ASCC3: variants seen among roughly 807,000 people sequenced by gnomAD.
ASCC3 encodes activating signal cointegrator 1 complex subunit 3, also known as ASC-1 complex subunit P200.
ASCC3 carries 158 observed loss-of-function variants against 256.3 expected under a neutral mutation model. The ratio of observed to expected loss-of-function variants is 0.62; its 90% CI spans 0.54 to 0.70. The LOEUF (loss-of-function observed/expected upper bound fraction) is 0.70. Among genes scored for constraint, ASCC3 ranks in the 30% least tolerant of loss-of-function variants. ASCC3 has a pLI of 0.00. For missense variants in ASCC3, 2,259 were observed against 2,626.0 expected, an observed-to-expected ratio of 0.86 and a Z score of 3.05; for synonymous variants, 948 against 883.4, an observed-to-expected ratio of 1.07 and a Z score of -1.30.
intron 1 of ASCC3, among the ~76,000 whole-genome samples, chr6:100,880,762 C>T (rs1463730373): frequency 6.6e-6 from 1 of 152,246 alleles, no homozygotes; most frequent in Non-Finnish European, 1.5e-5. Context: ...ATTACCCATG[C>T]ATGGGACAGA....
intron 11 of ASCC3, among the ~76,000 whole-genome samples, chr6:100,721,253 A>G (rs1562248982): frequency 6.6e-6 from 1 of 151,698 alleles, no homozygotes; most frequent in South Asian, 2.1e-4. Flanking sequence ...TTGGCCTCTA[A>G]TGTTCTATAG....
intron 36 of ASCC3, among the ~76,000 whole-genome samples, chr6:100,583,356 T>G (rs1049765656): frequency 6.6e-6 from 1 of 152,190 alleles, no homozygotes; most frequent in Non-Finnish European, 1.5e-5. Context: ...TCTTCTAGAT[T>G]TTTGAGTTTA....
At chr6:100,644,185 G>C (rs1263934482) in intron 22 of ASCC3, 56 bp from the exon 23 acceptor site, 1 of 1,144,008 alleles carries the variant, frequency 8.7e-7, no homozygotes, top group Non-Finnish European at 1.3e-6. Flanking sequence ...ATAAGGGATA[G>C]CATCCAATCT....
At chr6:100,581,051 T>C (rs1038882371) in intron 36 of ASCC3, among the ~76,000 whole-genome samples, 1 of 152,076 alleles carries the variant, frequency 6.6e-6, no homozygotes, top group Admixed American at 6.5e-5. Flanking sequence ...TACGTGTGCA[T>C]GTGTCTTTAT....
At chr6:100,732,290 T>C (rs1336051942) in intron 10 of ASCC3, among the ~76,000 whole-genome samples, 1 of 152,178 alleles carries the variant, frequency 6.6e-6, no homozygotes, top group Non-Finnish European at 1.5e-5. Context: ...AATAAAAATT[T>C]TATCTCTTCA....
rs752915614 is a variant in ASCC3 at position 100,608,117 on chromosome 6, T to G, written c.4786-1029A>C. On this transcript the variant is annotated intron_variant, in intron 30 of 41. Transcript: ENST00000369162. ...ATATACACATATATATGTATATATA[T>G]CTATATATACATATATATGTATATA... Among the ~76,000 whole-genome samples the G allele has an allele frequency of 5.0e-3, 238 of 47,850 alleles. 1 individual carries two copies. The highest frequency in any genetic ancestry group is 0.015 in the African/African-American group (202 of 13,800). The allele number at this position is 47,850 out of a possible 152,430, so 31.4% of individuals were successfully genotyped here.
At chr6:100,821,157 T>C (rs1366207964) in intron 4 of ASCC3, among the ~76,000 whole-genome samples, 1 of 152,176 alleles carries the variant, frequency 6.6e-6, no homozygotes, top group Non-Finnish European at 1.5e-5. Flanking sequence ...TAGCTGGGAC[T>C]ATAGGTGCAA....
At chr6:100,715,365 A>C in intron 13 of ASCC3, 97 bp downstream of exon 13, 1 of 1,098,326 alleles carries the variant, frequency 9.1e-7, no homozygotes, top group Non-Finnish European at 1.3e-6. Context: ...ATTAAAGAAA[A>C]ATTTTCTTCT....
intron 37 of ASCC3, among the ~76,000 whole-genome samples, chr6:100,527,492 T>G (rs1774636704): frequency 1.3e-5 from 2 of 152,188 alleles, no homozygotes. Flanking sequence ...GCTAAATGTA[T>G]TTAAACTCTG....
chr6:100,714,714 C>G (rs927044883), intron 13 of ASCC3, among the ~76,000 whole-genome samples: 5 of 152,062 alleles, frequency 3.3e-5, no homozygotes, highest in African/African-American at 1.2e-4. Context: ...AAACCAAGCA[C>G]AATCTCTAGA....
At chr6:100,742,150 C>G (rs1243050426) in intron 10 of ASCC3, among the ~76,000 whole-genome samples, 1 of 152,158 alleles carries the variant, frequency 6.6e-6, no homozygotes, top group Non-Finnish European at 1.5e-5. Flanking sequence ...GAGGTCTGCT[C>G]CAGATCCTAG....
chr6:100,687,034 T>TCACA (rs71028030), intron 13 of ASCC3, among the ~76,000 whole-genome samples: 197 of 130,668 alleles, frequency 1.5e-3, no homozygotes, highest in South Asian at 5.3e-3. Context: ...TCTCTCTCTC[T>TCACA]CACACACACA....
chr6:100,608,082 A>ATG (rs1773016004), intron 30 of ASCC3, among the ~76,000 whole-genome samples: 1 of 71,444 alleles, frequency 1.4e-5, no homozygotes, highest in Non-Finnish European at 2.5e-5. Context: ...ATATATATGT[A>ATG]TATATATCTA....
chr6:100,667,683 C>T lies in ASCC3; in HGVS notation c.2287-5147G>A, dbSNP rs377261857. Reference sequence around the variant, plus strand: ...AAAAGAAAAGGAGTTAGAATTGTTTCAAGCTAATCCTTATCTTGGTGCACT... The same window carrying T: ...AAAAGAAAAGGAGTTAGAATTGTTTTAAGCTAATCCTTATCTTGGTGCACT... On this transcript the variant is annotated intron_variant, in intron 14 of 41. Transcript: ENST00000369162. 3.3e-5 allele frequency among the ~76,000 whole-genome samples: 5 copies of T among 152,018 alleles called. No homozygotes were observed. In the East Asian group the frequency reaches 9.7e-4, roughly 29 times the overall value.
In ASCC3 at chr6:100,616,837, G is replaced by A. The variant is rs150031833; in HGVS notation, c.4785+8355C>T. Among the ~76,000 whole-genome samples the A allele has an allele frequency of 2.8e-4, 42 of 152,228 alleles. 1 individual carries two copies. The highest frequency in any genetic ancestry group is 9.6e-4 in the African/African-American group (40 of 41,516). On this transcript the variant is annotated intron_variant, in intron 30 of 41. Coordinates refer to ENST00000369162, the MANE Select transcript of ASCC3 (RefSeq NM_006828.4). The stretch of plus-strand genomic sequence containing the variant: ...AACAGTGTGGCAGAAGAAAGGGGCC[G>A]CCCTGCTGTTAACTGGCAAGAAACA...
At chr6:100,559,681 C>G (rs1769820412) in intron 36 of ASCC3, among the ~76,000 whole-genome samples, 1 of 151,982 alleles carries the variant, frequency 6.6e-6, no homozygotes, top group Non-Finnish European at 1.5e-5. Context: ...GAAACCCCAT[C>G]TCTACTAAAA....
intron 8 of ASCC3, among the ~76,000 whole-genome samples, chr6:100,793,262 G>C (rs1472253637): frequency 1.3e-5 from 2 of 151,958 alleles, no homozygotes; most frequent in South Asian, 4.1e-4. Flanking sequence ...AACATATTTT[G>C]ATTCAATCAA....
intron 30 of ASCC3, among the ~76,000 whole-genome samples, chr6:100,614,697 A>G (rs1773573055): frequency 6.6e-6 from 1 of 152,176 alleles, no homozygotes; most frequent in Non-Finnish European, 1.5e-5. Flanking sequence ...AATGAAAGTA[A>G]TAATATTATT....
At chr6:100,712,926 T>A (rs1778920751) in intron 13 of ASCC3, among the ~76,000 whole-genome samples, 1 of 151,684 alleles carries the variant, frequency 6.6e-6, no homozygotes, top group African/African-American at 2.4e-5. Context: ...CCCGGCTAAC[T>A]TTTTTGTATT....
Sources: allele counts gnomAD v4.1 joint callset (sites outside exome capture counted in the v4.1 genomes callset), GRCh38; gene constraint gnomAD v4.1.1; transcripts MANE v1.5; gene names NCBI Gene and HGNC (gene_info 2026-07-23, HGNC 2026-07-21).